MESP1: variants seen among roughly 807,000 people sequenced by gnomAD.
MESP1 encodes the protein mesoderm posterior bHLH transcription factor 1.
A neutral mutation model predicts 15.2 loss-of-function variants in MESP1; 22 were observed. The observed-to-expected ratio is 1.45, with a 90% CI of 1.04 to 2.07. The LOEUF is 2.07. Ranked by LOEUF, MESP1 falls within the 30% of genes most tolerant of loss-of-function variation. MESP1 has a pLI of 0.00. For missense variants in MESP1, 484 were observed against 411.9 expected, an observed-to-expected ratio of 1.17 and a Z score of -1.51; for synonymous variants, 216 against 192.6, an observed-to-expected ratio of 1.12 and a Z score of -1.01.
At chr15:89,739,262 T>C in the MESP1 span, among the ~76,000 whole-genome samples, 2 of 152,222 alleles carry the variant, frequency 1.3e-5, no homozygotes, top group African/African-American at 4.8e-5. Context: ...CATTTGTTTA[T>C]GTATTATCTA....
chr15:89,751,048 G>A lies in MESP1; in HGVS notation c.184C>T (p.Arg62Trp), dbSNP rs1193398468. The change falls in exon 1 of 2, where the codon CGG (arginine) becomes TGG (tryptophan). Residue 62 changes from arginine (R) to tryptophan (W), a missense_variant. Physicochemically the swap from Arg to Trp is moderately radical, Grantham distance 101 (BLOSUM62 -3). Transcript: ENST00000300057. ...VASPARPGTL[R>W]DPRAPSVGRR... ...CCTACGGAGGGGGCGCGGGGGTCCC[G>A]GAGGGTGCCTGGCCGCGCGGGGCTC... is the stretch of plus-strand genomic sequence containing the variant. 11 of 1,339,138 alleles carry A rather than the reference G, an allele frequency of 8.2e-6. No homozygotes were observed. Among genetic ancestry groups the A allele is most frequent in the Non-Finnish European group, 1.0e-5 (11 of 1,052,808 alleles). The allele number at this position is 1,339,138 out of a possible 1,614,324, so 83.0% of individuals were successfully genotyped here. A position where few individuals can be genotyped will look rare whatever the true frequency, so the allele number is the denominator to read the frequency against.
the MESP1 span, among the ~76,000 whole-genome samples, chr15:89,740,263 C>T: frequency 2.0e-5 from 3 of 152,184 alleles, no homozygotes; most frequent in Admixed American, 2.0e-4. Flanking sequence ...CTCTCCGCTT[C>T]CTAGCTCATA....
the MESP1 span, chr15:89,738,041 G>C: frequency 6.2e-7 from 1 of 1,606,916 alleles, no homozygotes; most frequent in Non-Finnish European, 8.5e-7. Context: ...CTCGTCACAG[G>C]AGACTATTCA....
rs1194740157 is a variant in MESP1, at chr15:89,750,454, G to C, written c.723+55C>G. Reference sequence around the variant, plus strand: ...TGCCTGGTCCTCACCTTGGCGGGCGGTGGGGCTGTGCGCGGGGGCACGGAC... The same window carrying C: ...TGCCTGGTCCTCACCTTGGCGGGCGCTGGGGCTGTGCGCGGGGGCACGGAC... On this transcript the variant is annotated intron_variant, in intron 1 of 1. Coordinates refer to ENST00000300057, the MANE Select transcript of MESP1 (RefSeq NM_018670.4). The C allele has an allele frequency of 2.7e-5, 39 of 1,467,210 alleles. 1 individual carries two copies. The Admixed American group carries it at 9.4e-4, about 35-fold the overall frequency. The allele number at this position is 1,467,210 out of a possible 1,614,324, so 90.9% of individuals were successfully genotyped here.
At chr15:89,747,054 A>G (rs1235138675), downstream of MESP1, among the ~76,000 whole-genome samples, 2 of 138,570 alleles carry the variant, frequency 1.4e-5, no homozygotes, top group Admixed American at 1.4e-4. Flanking sequence ...GCGCATGCAC[A>G]CACACACACA....
the MESP1 span, among the ~76,000 whole-genome samples, chr15:89,740,658 C>T: frequency 5.3e-5 from 8 of 151,966 alleles, no homozygotes; most frequent in Admixed American, 2.0e-4. Flanking sequence ...TGCGCCACCA[C>T]GCCCGGCTAA....
At chr15:89,737,033 C>T in the MESP1 span, among the ~76,000 whole-genome samples, 7,514 of 152,196 alleles carry the variant, frequency 0.049, 641 homozygotes, top group African/African-American at 0.17. Context: ...CCTCGTGATC[C>T]GCCCACCTTG....
the MESP1 span, among the ~76,000 whole-genome samples, chr15:89,739,457 T>C: frequency 6.6e-6 from 1 of 152,228 alleles, no homozygotes; most frequent in African/African-American, 2.4e-5. Context: ...CCCCTTCCTC[T>C]TTCCACTCTC....
At chr15:89,738,059 C>T in the MESP1 span, 1 of 1,611,776 alleles carries the variant, frequency 6.2e-7, no homozygotes, top group East Asian at 2.2e-5. Context: ...TCACATGAAA[C>T]TGCGTCCACC....
chr15:89,734,021 GCA>G, the MESP1 span, among the ~76,000 whole-genome samples: 1 of 151,122 alleles, frequency 6.6e-6, no homozygotes, highest in Admixed American at 6.6e-5. Context: ...GTGCGCGCGC[GCA>G]TGTGTGTACG....
chr15:89,751,162 G>C lies in MESP1; in HGVS notation c.70C>G (p.Arg24Gly). The C allele has an allele frequency of 1.6e-6, 2 of 1,268,612 alleles. No individual in the cohort carries two copies. Among genetic ancestry groups the C allele is most frequent in the Non-Finnish European group, 2.0e-6 (2 of 1,009,860 alleles). The allele number at this position is 1,268,612 out of a possible 1,614,324, so 78.6% of individuals were successfully genotyped here. A position where few individuals can be genotyped will look rare whatever the true frequency, so the allele number is the denominator to read the frequency against. Residue 24 changes from arginine (R) to glycine (G), a missense_variant, in exon 1 of 2, where the codon CGG (arginine) becomes GGG (glycine). Arg to Gly is a moderately radical substitution (Grantham distance 125). Coordinates refer to ENST00000300057, the MANE Select transcript of MESP1 (RefSeq NM_018670.4). ...CAGTCCTTGTCGGAGGGCGGCGGCC[G>C]CCGAGTTGGGCCCCAGGCCGCAGAG... Reference protein sequence around the residue: ...MLSAAWGPTRRPPPSDKDCGR... With the variant: ...MLSAAWGPTRGPPPSDKDCGR...
the MESP1 span, chr15:89,735,668 G>A: frequency 1.9e-6 from 2 of 1,049,974 alleles, no homozygotes; most frequent in Admixed American, 3.9e-5. Context: ...GTTAGGCACT[G>A]GACTAGCTTT....
chr15:89,746,685 C>CCA (rs1311100911), downstream of MESP1, among the ~76,000 whole-genome samples: 3 of 142,676 alleles, frequency 2.1e-5, no homozygotes, highest in Admixed American at 7.0e-5. Context: ...AGCCGCACCT[C>CCA]CACACACACA....
the MESP1 span, chr15:89,733,002 C>G: frequency 6.2e-7 from 1 of 1,613,792 alleles, no homozygotes; most frequent in East Asian, 2.2e-5. Flanking sequence ...ATTACTTTCT[C>G]TAGGATTCCC....
At position 89,751,137 on chromosome 15, in the gene MESP1, C is replaced by T; in HGVS notation, c.95G>A (p.Cys32Tyr). 1 of 1,273,660 alleles carries T rather than the reference C, an allele frequency of 7.9e-7. No homozygotes were observed. Among genetic ancestry groups the T allele is most frequent in the South Asian group, 3.3e-5 (1 of 30,084 alleles). 78.9% of individuals were successfully genotyped at this position (1,273,660 alleles called of 1,614,324 possible). The change falls in exon 1 of 2, where the codon TGC (cysteine) becomes TAC (tyrosine). Residue 32 changes from cysteine to tyrosine, a missense_variant. By Grantham distance (194) the Cys-to-Tyr change is radical. Transcript: ENST00000300057. ...TGGGGACGAGACGAGGGAGCGGCCGCAGTCCTTGTCGGAGGGCGGCGGCCG... is the reference window on the plus strand; with the variant it reads ...TGGGGACGAGACGAGGGAGCGGCCGTAGTCCTTGTCGGAGGGCGGCGGCCG... ...TRRPPPSDKD[C>Y]GRSLVSSPDS...
the MESP1 span, chr15:89,737,640 C>T: frequency 6.2e-7 from 1 of 1,614,204 alleles, no homozygotes; most frequent in Non-Finnish European, 8.5e-7. Context: ...ATCATCTGTG[C>T]CTTTGCCCCT....
chr15:89,737,902 C>A, the MESP1 span: 1 of 1,314,676 alleles, frequency 7.6e-7, no homozygotes, highest in Non-Finnish European at 1.0e-6. Flanking sequence ...CCAGCAGGGT[C>A]TTCTCTCTGA....
At chr15:89,734,686 A>T in the MESP1 span, among the ~76,000 whole-genome samples, 1 of 152,128 alleles carries the variant, frequency 6.6e-6, no homozygotes, top group Non-Finnish European at 1.5e-5. Flanking sequence ...CTTTCCCTTA[A>T]GAATTAACCA....
At chr15:89,747,182 G>T (rs753554867), downstream of MESP1, among the ~76,000 whole-genome samples, 1 of 150,574 alleles carries the variant, frequency 6.6e-6, no homozygotes, top group Non-Finnish European at 1.5e-5. Flanking sequence ...GCAAAGACAG[G>T]CTTCACCAAC....
Sources: allele counts gnomAD v4.1 joint callset (sites outside exome capture counted in the v4.1 genomes callset), GRCh38; gene constraint gnomAD v4.1.1; transcripts MANE v1.5; gene names NCBI Gene and HGNC (gene_info 2026-07-23, HGNC 2026-07-21).